Variants in CTNNA1 observed in about 807,000 individuals in gnomAD.
CTNNA1 encodes catenin alpha 1.
CTNNA1 carries 37 observed loss-of-function variants against 98.4 expected under a neutral mutation model. The ratio of observed to expected loss-of-function variants is 0.38; its 90% CI spans 0.29 to 0.49. The LOEUF (loss-of-function observed/expected upper bound fraction) is 0.49, where lower values mean the gene tolerates loss of function less well. CTNNA1 is among the 20% of genes least tolerant of loss of function. CTNNA1 has a pLI of 0.95. For synonymous variants in CTNNA1, 404 were observed against 413.2 expected (o/e 0.98, Z 0.27); for missense variants, 761 against 1,147.2 (o/e 0.66, Z 4.86).
At chr5:138,774,466 T>A (rs955408982) in intron 1 of CTNNA1, among the ~76,000 whole-genome samples, 1 of 152,092 alleles carries the variant, frequency 6.6e-6, no homozygotes, top group Non-Finnish European at 1.5e-5. Flanking sequence ...AACCCTGGAT[T>A]TATGTGGTAA....
chr5:138,763,039 T>C (rs1053167380), intron 1 of CTNNA1, among the ~76,000 whole-genome samples: 3 of 152,234 alleles, frequency 2.0e-5, no homozygotes, highest in African/African-American at 7.2e-5. Context: ...GAGGTTTCAT[T>C]ATTAAATATT....
intron 7 of CTNNA1, among the ~76,000 whole-genome samples, chr5:138,830,222 G>A (rs374802490): frequency 7.4e-5 from 11 of 148,050 alleles, no homozygotes; most frequent in African/African-American, 2.3e-4. Flanking sequence ...TTAGCCAGGC[G>A]TGGTGTGGGG....
intron 10 of CTNNA1, among the ~76,000 whole-genome samples, chr5:138,913,796 T>C (rs1307290341): frequency 6.6e-6 from 1 of 152,196 alleles, no homozygotes; most frequent in East Asian, 1.9e-4. Flanking sequence ...GGTAAATGAT[T>C]TTATAGTTTC....
rs769641132 is a variant in CTNNA1 at position 138,873,914 on chromosome 5, T to C, written c.1063-12298T>C. 2 of 1,614,004 alleles carry C rather than the reference T, an allele frequency of 1.2e-6. No homozygotes were observed. Among genetic ancestry groups the C allele is most frequent in the Non-Finnish European group, 1.7e-6 (2 of 1,179,894 alleles). ...ATGAGCAAAATTAATCTTCGTCAGC[T>C]GGTTGTGCTCTAGGTGAAGCTCTCT... On this transcript the variant is annotated intron_variant, in intron 7 of 17. Coordinates refer to ENST00000302763, the MANE Select transcript of CTNNA1 (RefSeq NM_001903.5). This position sits in a 1 kb window ranked among gnomAD's most constrained non-coding sequence, Gnocchi z 6.1.
intron 5 of CTNNA1, among the ~76,000 whole-genome samples, chr5:138,818,166 G>C (rs1245571662): frequency 7.1e-6 from 1 of 141,612 alleles, no homozygotes; most frequent in Non-Finnish European, 1.5e-5. Flanking sequence ...GTCTTGCTCT[G>C]TCGCCCAGGC....
At chr5:138,801,681 A>G (rs1757593120) in intron 3 of CTNNA1, among the ~76,000 whole-genome samples, 1 of 152,226 alleles carries the variant, frequency 6.6e-6, no homozygotes, top group African/African-American at 2.4e-5. Flanking sequence ...AGTTTATGCA[A>G]AGTGTGTAGT....
At chr5:138,900,576 G>C (rs1294145746) in intron 9 of CTNNA1, among the ~76,000 whole-genome samples, 1 of 152,196 alleles carries the variant, frequency 6.6e-6, no homozygotes, top group Non-Finnish European at 1.5e-5. Flanking sequence ...TATGGTTACA[G>C]AAGGAGCAGG....
chr5:138,876,869 T>C (rs999826859), intron 7 of CTNNA1, among the ~76,000 whole-genome samples: 11 of 152,168 alleles, frequency 7.2e-5, no homozygotes, highest in Admixed American at 2.0e-4. Flanking sequence ...GTTTGAGTCC[T>C]CCTAGAAGTG....
intron 9 of CTNNA1, among the ~76,000 whole-genome samples, chr5:138,897,453 A>C (rs1757133033): frequency 6.6e-6 from 1 of 152,120 alleles, no homozygotes; most frequent in African/African-American, 2.4e-5. Flanking sequence ...ATATGTGGTA[A>C]AGTGGCCTTG....
rs543278253 is a variant in CTNNA1 at position 138,844,516 on chromosome 5, G to A, written c.1062+16798G>A. On this transcript the variant is annotated intron_variant, in intron 7 of 17. Transcript: ENST00000302763. ...GAGAATTTGCCTCAACACAATTTTA[G>A]GTGGCTGTAACACTATTTTGTTGGC... Among the ~76,000 whole-genome samples the A allele has an allele frequency of 2.6e-5, 4 of 152,274 alleles. No homozygotes were observed. The South Asian group carries it at 8.3e-4, about 32-fold the overall frequency.
At chr5:138,823,956 C>CAAAAAAAAAAAAAAA (rs369653057) in intron 5 of CTNNA1, among the ~76,000 whole-genome samples, 9 of 64,422 alleles carry the variant, frequency 1.4e-4, no homozygotes, top group Admixed American at 2.4e-4. Context: ...GACTCCGTCT[C>CAAAAAAAAAAAAAAA]AAAAAAAAAA....
At chr5:138,925,219 G>A (rs2150293765) in intron 12 of CTNNA1, 37 bp from the exon 13 acceptor site, 1 of 1,601,450 alleles carries the variant, frequency 6.2e-7, no homozygotes. Context: ...GATGCTGCCT[G>A]CTGACCAGGG....
intron 7 of CTNNA1, among the ~76,000 whole-genome samples, chr5:138,838,044 G>C (rs977825023): frequency 2.0e-5 from 3 of 152,182 alleles, no homozygotes; most frequent in Admixed American, 6.5e-5. Flanking sequence ...GGGACTGCAG[G>C]TGTGCACTGC....
chr5:138,764,868 C>CTTTTTTTTTTTTTTTTTTTTTTTTTTTT (rs35354499), intron 1 of CTNNA1, among the ~76,000 whole-genome samples: 2 of 84,940 alleles, frequency 2.4e-5, no homozygotes, highest in Non-Finnish European at 4.2e-5. Context: ...GTATCTCTCT[C>CTTTTTTTTTTTTTTTTTTTTTTTTTTTT]TTTTTTTTTT....
At chr5:138,811,787 G>A (rs369000555) in intron 4 of CTNNA1, among the ~76,000 whole-genome samples, 30 of 152,284 alleles carry the variant, frequency 2.0e-4, no homozygotes, top group African/African-American at 6.3e-4. Context: ...GCGTGGCAGC[G>A]CACGCCTGCA....
chr5:138,795,124 C>G (rs1756798098), intron 3 of CTNNA1, among the ~76,000 whole-genome samples: 1 of 147,550 alleles, frequency 6.8e-6, no homozygotes, highest in Admixed American at 6.9e-5. Flanking sequence ...CACACCACCA[C>G]CACCCTAGGT....
At chr5:138,826,766 T>C (rs779071871) in intron 6 of CTNNA1, among the ~76,000 whole-genome samples, 2 of 152,206 alleles carry the variant, frequency 1.3e-5, no homozygotes, top group Non-Finnish European at 2.9e-5. Flanking sequence ...TCTGAAACTT[T>C]AAGGTTAGAG....
At chr5:138,793,002 G>A (rs1249686213) in intron 3 of CTNNA1, among the ~76,000 whole-genome samples, 1 of 151,992 alleles carries the variant, frequency 6.6e-6, no homozygotes, top group Non-Finnish European at 1.5e-5. Context: ...TTTTGTGGAT[G>A]TCTCTTTTCA....
At chr5:138,802,165 G>T (rs1001589210) in intron 3 of CTNNA1, among the ~76,000 whole-genome samples, 4 of 152,116 alleles carry the variant, frequency 2.6e-5, no homozygotes, top group African/African-American at 9.7e-5. Context: ...GGGAAGCATT[G>T]TTCAAACTAC....
Sources: allele counts gnomAD v4.1 joint callset (sites outside exome capture counted in the v4.1 genomes callset), GRCh38; gene constraint gnomAD v4.1.1; non-coding constraint Gnocchi (gnomAD v3.1); transcripts MANE v1.5; gene names NCBI Gene and HGNC (gene_info 2026-07-23, HGNC 2026-07-21).